The following C1orf21 variants were observed in gnomAD, a reference collection of about 807,000 sequenced individuals.
C1orf21 encodes the protein chromosome 1 open reading frame 21, also known as uncharacterized protein C1orf21.
In C1orf21, 3 loss-of-function variants were observed where a neutral mutation model predicts 18.7. That is an observed-to-expected ratio of 0.16 (90% CI 0.07 to 0.42). C1orf21 has a LOEUF of 0.42. C1orf21 is among the 10% of genes least tolerant of loss of function. The pLI, the probability that C1orf21 is intolerant of heterozygous loss-of-function variation, is 0.99. For synonymous variants in C1orf21, 41 were observed against 46.4 expected (o/e 0.88, Z 0.47); for missense variants, 104 against 143.6 (o/e 0.72, Z 1.41).
chr1:184,615,950 A>G (rs1210044953), intron 5 of C1orf21, among the ~76,000 whole-genome samples: 2 of 152,168 alleles, frequency 1.3e-5, no homozygotes, highest in African/African-American at 4.8e-5. Context: ...AAACATTTCA[A>G]ATCTTCTCAC....
At position 184,525,127 on chromosome 1, in the gene C1orf21, G is replaced by GA. The variant is rs941080998; in HGVS notation, c.189+17455dup. On this transcript the variant is annotated intron_variant, in intron 3 of 5. Coordinates refer to ENST00000235307, the MANE Select transcript of C1orf21 (RefSeq NM_030806.4). The stretch of plus-strand genomic sequence containing the variant: ...ATAAACATACCTGCAGGGATAAACA[G>GA]AAAAAAAAAACTCTTGTTTTAAACA... Among the ~76,000 whole-genome samples the GA allele has an allele frequency of 3.9e-3, 568 of 146,422 alleles. 3 individuals carry two copies. Among genetic ancestry groups the GA allele is most frequent in the African/African-American group, 0.013 (522 of 40,100 alleles).
intron 5 of C1orf21, among the ~76,000 whole-genome samples, chr1:184,616,161 G>A (rs1272139543): frequency 1.3e-5 from 2 of 152,160 alleles, no homozygotes; most frequent in Non-Finnish European, 2.9e-5. Context: ...TATGGTTTAT[G>A]GCCATATCTT....
chr1:184,606,397 A>G (rs6424960), intron 5 of C1orf21, among the ~76,000 whole-genome samples: 90,112 of 151,988 alleles, frequency 0.59, 29,333 homozygotes, highest in African/African-American at 0.88. Flanking sequence ...GCAACATTGC[A>G]AGACCCTGTC....
At chr1:184,584,133 C>CTT (rs386368968) in intron 3 of C1orf21, among the ~76,000 whole-genome samples, 11,139 of 113,116 alleles carry the variant, frequency 0.098, 672 homozygotes, top group Non-Finnish European at 0.11. Flanking sequence ...TGTTCTTCTT[C>CTT]TTTTTTTTTT....
chr1:184,390,065 G>T (rs1655947917), intron 1 of C1orf21, among the ~76,000 whole-genome samples: 1 of 152,182 alleles, frequency 6.6e-6, no homozygotes, highest in African/African-American at 2.4e-5. Flanking sequence ...CAGTAATTCC[G>T]GAGGGAGATT....
chr1:184,597,964 G>A (rs145064604), intron 4 of C1orf21, among the ~76,000 whole-genome samples: 10 of 152,322 alleles, frequency 6.6e-5, no homozygotes, highest in African/African-American at 2.4e-4. Context: ...GTCAGCTGGA[G>A]ATCATGCTGA....
intron 1 of C1orf21, among the ~76,000 whole-genome samples, chr1:184,390,224 T>C (rs1459379046): frequency 6.6e-6 from 1 of 152,238 alleles, no homozygotes; most frequent in South Asian, 2.1e-4. Context: ...GCTGGTATCT[T>C]AGAGTGTGGT....
At chr1:184,603,574 C>T (rs191427413) in intron 5 of C1orf21, among the ~76,000 whole-genome samples, 156 of 152,328 alleles carry the variant, frequency 1.0e-3, no homozygotes, top group African/African-American at 3.5e-3. Context: ...GCTGGTGGAT[C>T]ACCTGAGGTC....
At chr1:184,521,495 A>T (rs1658306064) in intron 3 of C1orf21, among the ~76,000 whole-genome samples, 1 of 152,222 alleles carries the variant, frequency 6.6e-6, no homozygotes, top group South Asian at 2.1e-4. Flanking sequence ...ATAAGTGCAT[A>T]TTGCTAAGTG....
intron 3 of C1orf21, among the ~76,000 whole-genome samples, chr1:184,582,710 A>G (rs137958128): frequency 6.6e-6 from 1 of 152,374 alleles, no homozygotes; most frequent in East Asian, 1.9e-4. Flanking sequence ...AAAAAGGTAA[A>G]GAAGTGATAG....
chr1:184,507,773 TG>T, intron 3 of C1orf21, 91 bp downstream of exon 3: 1 of 975,178 alleles, frequency 1.0e-6, no homozygotes, highest in Non-Finnish European at 1.5e-6. Context: ...ACTTACACAC[TG>T]GCACAAGATT....
chr1:184,523,520 G>T (rs768524171), intron 3 of C1orf21, among the ~76,000 whole-genome samples: 16 of 152,102 alleles, frequency 1.1e-4, no homozygotes, highest in Non-Finnish European at 2.1e-4. Context: ...AGGTGACACA[G>T]CAATTAAATG....
intron 1 of C1orf21, among the ~76,000 whole-genome samples, chr1:184,438,171 T>C (rs1204264274): frequency 1.3e-5 from 2 of 152,036 alleles, no homozygotes; most frequent in African/African-American, 4.8e-5. Context: ...GGCTAAAGAG[T>C]TCACCTTCCT....
At chr1:184,491,735 G>A (rs1657819953) in intron 2 of C1orf21, among the ~76,000 whole-genome samples, 1 of 152,166 alleles carries the variant, frequency 6.6e-6, no homozygotes, top group Non-Finnish European at 1.5e-5. Flanking sequence ...CAATGACAGT[G>A]ACCTTCGGGG....
rs1251782337 is a variant in C1orf21 at position 184,618,383 on chromosome 1, A to G, written c.328-1135A>G. On this transcript the variant is annotated intron_variant, in intron 5 of 5. Transcript: ENST00000235307. ...TCATTTTACAGATGAAGAAACTGAG[A>G]CACAGAGAGGTAATTTTACCAGGAT... 2.0e-5 allele frequency among the ~76,000 whole-genome samples: 3 copies of G among 152,210 alleles called. No homozygotes were observed. In the East Asian group the frequency reaches 5.8e-4, roughly 29 times the overall value.
rs564692777 is a variant in C1orf21 at position 184,531,730 on chromosome 1, C to T, written c.189+24048C>T. Among the ~76,000 whole-genome samples the T allele has an allele frequency of 7.2e-5, 11 of 151,946 alleles. 1 individual carries two copies. Among genetic ancestry groups the T allele is most frequent in the Admixed American group, 5.2e-4 (8 of 15,250 alleles). On this transcript the variant is annotated intron_variant, in intron 3 of 5. Transcript: ENST00000235307. ...TGGAAGCCGACTTTAAATTTCATTT[C>T]CTTCAGTTTTGGAGGGTCAAGAGCA...
intron 1 of C1orf21, among the ~76,000 whole-genome samples, chr1:184,410,411 C>T (rs1401860585): frequency 3.3e-5 from 5 of 149,934 alleles, no homozygotes; most frequent in Non-Finnish European, 7.4e-5. Context: ...ATTTAGTGTG[C>T]AAAACGAGAG....
intron 1 of C1orf21, among the ~76,000 whole-genome samples, chr1:184,451,462 A>ATTTTTTTT (rs374550435): frequency 1.3e-5 from 1 of 77,794 alleles, no homozygotes; most frequent in African/African-American, 4.9e-5. Flanking sequence ...GGCTAATTTA[A>ATTTTTTTT]TTTTTTTTTT....
At chr1:184,475,460 G>A (rs1425796876) in intron 1 of C1orf21, among the ~76,000 whole-genome samples, 9 of 151,974 alleles carry the variant, frequency 5.9e-5, no homozygotes, top group African/African-American at 1.7e-4. Flanking sequence ...CATCCTTTCA[G>A]CCTGGTAAAT....
Sources: allele counts gnomAD v4.1 joint callset (sites outside exome capture counted in the v4.1 genomes callset), GRCh38; gene constraint gnomAD v4.1.1; transcripts MANE v1.5; gene names NCBI Gene and HGNC (gene_info 2026-07-23, HGNC 2026-07-21).